Variants in PDGFC observed in about 807,000 individuals in gnomAD.
PDGFC encodes the protein platelet-derived growth factor C.
Under a neutral mutation model 35.5 loss-of-function variants are expected in PDGFC, and 12 were observed. That is an observed-to-expected ratio of 0.34 (90% CI 0.22 to 0.55). PDGFC has a LOEUF of 0.55. Ranked by LOEUF, PDGFC falls within the 20% of genes least tolerant of loss-of-function variation. The pLI is 0.91. For missense variants in PDGFC, 322 were observed against 412.4 expected (o/e 0.78, Z 1.90); for synonymous variants, 159 against 148.8 (o/e 1.07, Z -0.50).
Position 156,971,773 on chromosome 4 carries a change from G to A in PDGFC, c.-870C>T, listed in dbSNP as rs1414109921. ...CCTCGGGCTCCGCGCTAACCTCGGGGCTACGCGCGGCGTCTCCGCACGGGG... is the reference window on the plus strand; with the variant it reads ...CCTCGGGCTCCGCGCTAACCTCGGGACTACGCGCGGCGTCTCCGCACGGGG... On this transcript the variant is annotated 5_prime_UTR_variant, in exon 1 of 6. Coordinates refer to ENST00000502773, the MANE Select transcript of PDGFC (RefSeq NM_016205.3). 2.0e-5 allele frequency among the ~76,000 whole-genome samples: 3 copies of A among 151,926 alleles called. No individual in the cohort carries two copies. Among genetic ancestry groups the A allele is most frequent in the African/African-American group, 7.2e-5 (3 of 41,428 alleles).
At chr4:156,949,465 C>T (rs1385099622) in intron 1 of PDGFC, among the ~76,000 whole-genome samples, 1 of 151,834 alleles carries the variant, frequency 6.6e-6, no homozygotes, top group Non-Finnish European at 1.5e-5. Flanking sequence ...TTCTCTCTCT[C>T]TCTCTTGCTC....
chr4:156,876,547 AG>A (rs1730120919), intron 1 of PDGFC: 1 of 152,200 alleles, frequency 6.6e-6, no homozygotes, highest in Admixed American at 6.5e-5. Context: ...ACATGACTGC[AG>A]GGGCAGGGTT....
chr4:156,955,659 A>G (rs1478881392), intron 1 of PDGFC, among the ~76,000 whole-genome samples: 1 of 152,024 alleles, frequency 6.6e-6, no homozygotes, highest in Admixed American at 6.6e-5. Context: ...GTGTAAGAAT[A>G]CAAGCATAAA....
rs59421806 is a variant in PDGFC, at chr4:156,826,174, A to ATTTTTTTTTTTTTTT, written c.315-15172_315-15158dup. 3.9e-4 allele frequency among the ~76,000 whole-genome samples: 17 copies of ATTTTTTTTTTTTTTT among 43,790 alleles called. 4 individuals are homozygous for ATTTTTTTTTTTTTTT. Among genetic ancestry groups the ATTTTTTTTTTTTTTT allele is most frequent in the African/African-American group, 6.5e-4 (8 of 12,386 alleles). The allele number at this position is 43,790 out of a possible 152,430, so 28.7% of individuals were successfully genotyped here. On this transcript the variant is annotated intron_variant, in intron 2 of 5. Transcript: ENST00000502773. ...GCCACCATATCCAGCTTTGAGTTGG[A>ATTTTTTTTTTTTTTT]TTTTTTTTTTTTTTTTTTTTTTTTT...
intron 2 of PDGFC, 91 bp from the exon 3 acceptor site, chr4:156,811,108 G>A (rs968360673): frequency 2.2e-5 from 16 of 740,064 alleles, no homozygotes; most frequent in East Asian, 1.5e-4. Flanking sequence ...ATGACTCTAC[G>A]GACCACAGCA....
At chr4:156,921,919 T>G (rs1373891754) in intron 1 of PDGFC, among the ~76,000 whole-genome samples, 1 of 151,982 alleles carries the variant, frequency 6.6e-6, no homozygotes. Flanking sequence ...AAACACACAC[T>G]AGTATTTCCT....
intron 1 of PDGFC, among the ~76,000 whole-genome samples, chr4:156,862,694 C>A (rs1371011791): frequency 6.6e-6 from 1 of 151,060 alleles, no homozygotes; most frequent in Non-Finnish European, 1.5e-5. Context: ...TCACTTTGCC[C>A]AAATGAATAC....
intron 1 of PDGFC, among the ~76,000 whole-genome samples, chr4:156,901,084 T>C (rs1730763781): frequency 6.6e-6 from 1 of 152,198 alleles, no homozygotes; most frequent in Non-Finnish European, 1.5e-5. Flanking sequence ...TTTTCTCTGC[T>C]AGATTGATGG....
chr4:156,864,038 T>C (rs1729777986), intron 1 of PDGFC, among the ~76,000 whole-genome samples: 1 of 152,162 alleles, frequency 6.6e-6, no homozygotes, highest in African/African-American at 2.4e-5. Flanking sequence ...AGTTCATTTG[T>C]TTGTTTTAAC....
chr4:156,883,479 C>T (rs997448638), intron 1 of PDGFC, among the ~76,000 whole-genome samples: 3 of 152,116 alleles, frequency 2.0e-5, no homozygotes, highest in Non-Finnish European at 2.9e-5. Context: ...AAGAATAATA[C>T]ATTTGAGGCA....
chr4:156,783,395 C>A (rs1256313570), intron 3 of PDGFC, among the ~76,000 whole-genome samples: 2 of 151,978 alleles, frequency 1.3e-5, no homozygotes, highest in Non-Finnish European at 2.9e-5. Context: ...TGAGGAGGTG[C>A]CTTGGGTTGG....
At chr4:156,944,097 T>C (rs1163884297) in intron 1 of PDGFC, among the ~76,000 whole-genome samples, 1 of 152,136 alleles carries the variant, frequency 6.6e-6, no homozygotes, top group East Asian at 1.9e-4. Context: ...TTAGAGGCAC[T>C]GTAACGATTA....
At chr4:156,802,228 T>A (rs1731631645) in intron 3 of PDGFC, among the ~76,000 whole-genome samples, 1 of 152,094 alleles carries the variant, frequency 6.6e-6, no homozygotes. Flanking sequence ...TTGATTGAGA[T>A]CAGTCTCACA....
intron 3 of PDGFC, among the ~76,000 whole-genome samples, chr4:156,775,896 A>C (rs192956685): frequency 3.7e-4 from 56 of 152,328 alleles, no homozygotes; most frequent in Admixed American, 7.8e-4. Context: ...AGTGGTCCCC[A>C]CCCAGAAAAC....
At chr4:156,922,348 G>T (rs2110845863) in intron 1 of PDGFC, among the ~76,000 whole-genome samples, 1 of 152,288 alleles carries the variant, frequency 6.6e-6, no homozygotes, top group East Asian at 1.9e-4. Context: ...TTCATTCAAT[G>T]GCTAACATAT....
intron 1 of PDGFC, among the ~76,000 whole-genome samples, chr4:156,941,983 T>C (rs183424108): frequency 6.6e-6 from 1 of 152,164 alleles, no homozygotes; most frequent in African/African-American, 2.4e-5. Context: ...TATTAGTGAA[T>C]AAAGGCAAGT....
intron 1 of PDGFC, among the ~76,000 whole-genome samples, chr4:156,851,845 G>A (rs982193580): frequency 1.5e-4 from 23 of 149,498 alleles, no homozygotes; most frequent in Admixed American, 2.7e-4. Context: ...GCAGGAGAAT[G>A]GTGTGAACCC....
At chr4:156,875,404 G>A (rs1033486695) in intron 1 of PDGFC, among the ~76,000 whole-genome samples, 2 of 152,148 alleles carry the variant, frequency 1.3e-5, no homozygotes, top group Non-Finnish European at 2.9e-5. Flanking sequence ...TCTAGTTACA[G>A]AGATGGAAAG....
intron 1 of PDGFC, among the ~76,000 whole-genome samples, chr4:156,857,944 A>G (rs1432330483): frequency 6.6e-6 from 1 of 152,044 alleles, no homozygotes; most frequent in Non-Finnish European, 1.5e-5. Flanking sequence ...ACACAATAAA[A>G]TCACTGCAAC....
Sources: gnomAD v4.1 joint callset for allele counts (sites outside exome capture counted in the v4.1 genomes callset) on GRCh38, gnomAD v4.1.1 for gene constraint, MANE v1.5 for transcripts, NCBI Gene and HGNC (gene_info 2026-07-23, HGNC 2026-07-21) for gene names.